The following CDKL4 variants were observed in gnomAD, a reference collection of about 807,000 sequenced individuals.
CDKL4 encodes the protein cyclin-dependent kinase-like 4.
In CDKL4, 44 loss-of-function variants were observed where a neutral mutation model predicts 42.0. The observed-to-expected ratio is 1.05, with a 90% CI of 0.82 to 1.35. The LOEUF (loss-of-function observed/expected upper bound fraction) is 1.35, where lower values mean the gene tolerates loss of function less well. Among genes scored for constraint, CDKL4 ranks in the 40% most tolerant of loss-of-function variants. CDKL4 has a pLI of 0.00. For missense variants in CDKL4, 393 were observed against 369.9 expected (o/e 1.06, Z -0.51); for synonymous variants, 120 against 121.6 (o/e 0.99, Z 0.09).
At chr2:39,235,398 G>A (rs1009613172) in intron 1 of CDKL4, among the ~76,000 whole-genome samples, 12 of 152,136 alleles carry the variant, frequency 7.9e-5, no homozygotes, top group Non-Finnish European at 1.5e-5. Context: ...AGAAAGTAAT[G>A]CAACTAAATT....
chr2:39,222,591 A>C (rs1678445226), intron 3 of CDKL4, among the ~76,000 whole-genome samples: 1 of 151,850 alleles, frequency 6.6e-6, no homozygotes, highest in African/African-American at 2.4e-5. Flanking sequence ...CTCTGTCTCT[A>C]AATAAATAAA....
At chr2:39,246,847 G>C (rs1423033269), upstream of CDKL4, among the ~76,000 whole-genome samples, 3 of 152,094 alleles carry the variant, frequency 2.0e-5, no homozygotes, top group Non-Finnish European at 4.4e-5. Context: ...GGGCTCAAGT[G>C]ATTCTCTTGC....
intron 1 of CDKL4, among the ~76,000 whole-genome samples, chr2:39,241,517 A>T (rs1679661868): frequency 6.6e-6 from 1 of 152,220 alleles, no homozygotes; most frequent in South Asian, 2.1e-4. Flanking sequence ...CTCAAATGCC[A>T]CAGAATAAAG....
At chr2:39,224,873 G>A (rs895453937) in intron 3 of CDKL4, among the ~76,000 whole-genome samples, 6 of 152,094 alleles carry the variant, frequency 3.9e-5, no homozygotes, top group Non-Finnish European at 7.4e-5. Context: ...TATAGGGGTC[G>A]CTGTACTGAA....
the CDKL4 span, among the ~76,000 whole-genome samples, chr2:39,168,282 C>T: frequency 2.6e-5 from 4 of 152,108 alleles, no homozygotes; most frequent in African/African-American, 4.8e-5. Flanking sequence ...AATAAATGGA[C>T]ACACAGAATC....
chr2:39,203,456 A>G (rs1676977608), intron 5 of CDKL4, among the ~76,000 whole-genome samples: 1 of 152,178 alleles, frequency 6.6e-6, no homozygotes, highest in Non-Finnish European at 1.5e-5. Flanking sequence ...TTTCCAGGAA[A>G]AAAACCCCAA....
chr2:39,197,294 T>TA (rs1270602438), intron 5 of CDKL4, among the ~76,000 whole-genome samples: 3 of 152,008 alleles, frequency 2.0e-5, no homozygotes, highest in Non-Finnish European at 2.9e-5. Context: ...AAAAAAGAAT[T>TA]AAAAAAATGA....
At position 39,177,282 on chromosome 2, in the gene CDKL4, C is replaced by T. The variant is rs1212795695; in HGVS notation, c.928-1186G>A. 3.3e-5 allele frequency among the ~76,000 whole-genome samples: 5 copies of T among 152,012 alleles called. No individual in the cohort carries two copies. The South Asian group carries it at 8.3e-4, about 25-fold the overall frequency. Reference sequence around the variant, plus strand: ...AGAGCAGCACCCAACCCCGTCGAGGCGAGGCAAGGCAAGGTCTGTGACAGA... The same window carrying T: ...AGAGCAGCACCCAACCCCGTCGAGGTGAGGCAAGGCAAGGTCTGTGACAGA... On this transcript the variant is annotated intron_variant, in intron 9 of 9. Coordinates refer to ENST00000451199, the Ensembl canonical transcript of CDKL4.
intron 5 of CDKL4, among the ~76,000 whole-genome samples, chr2:39,199,773 G>A (rs970365660): frequency 1.3e-5 from 2 of 152,068 alleles, no homozygotes; most frequent in Non-Finnish European, 2.9e-5. Context: ...AAAAGCACTT[G>A]ACAAAATTCA....
At chr2:39,219,957 G>A (rs1228572302) in intron 3 of CDKL4, among the ~76,000 whole-genome samples, 2 of 152,042 alleles carry the variant, frequency 1.3e-5, no homozygotes, top group South Asian at 2.1e-4. Context: ...TTTTGATATC[G>A]ACCCTAAAAG....
chr2:39,180,831 C>T (rs1675399436), intron 8 of CDKL4, among the ~76,000 whole-genome samples: 1 of 151,830 alleles, frequency 6.6e-6, no homozygotes, highest in Admixed American at 6.6e-5. Flanking sequence ...GCTGGAATTA[C>T]AGGCATGCAC....
At chr2:39,205,309 C>T (rs1012318406) in intron 4 of CDKL4, among the ~76,000 whole-genome samples, 1 of 152,204 alleles carries the variant, frequency 6.6e-6, no homozygotes, top group Non-Finnish European at 1.5e-5. Flanking sequence ...AAGAGTACCT[C>T]TAATAACTGC....
intron 5 of CDKL4, among the ~76,000 whole-genome samples, chr2:39,201,839 G>C (rs546695967): frequency 6.6e-6 from 1 of 152,270 alleles, no homozygotes; most frequent in Non-Finnish European, 1.5e-5. Flanking sequence ...CAGCCGAAAG[G>C]GTCGGGCGGC....
intron 5 of CDKL4, among the ~76,000 whole-genome samples, chr2:39,193,136 A>AT: frequency 6.7e-6 from 1 of 149,554 alleles, no homozygotes; most frequent in South Asian, 2.1e-4. Context: ...TCTAAAAAAA[A>AT]AAAAAAAAAA....
intron 9 of CDKL4, 135 bp from the exon 10 acceptor site, chr2:39,176,231 G>C: frequency 3.0e-6 from 1 of 331,176 alleles, no homozygotes; most frequent in South Asian, 2.6e-5. Context: ...TTAAAATTAA[G>C]TAGGGTTACC....
At chr2:39,187,334 A>G (rs1675882421) in intron 7 of CDKL4, among the ~76,000 whole-genome samples, 1 of 152,122 alleles carries the variant, frequency 6.6e-6, no homozygotes, top group African/African-American at 2.4e-5. Context: ...AAATAGAATA[A>G]TACACTGTGC....
At chr2:39,206,594 G>A (rs1677211324) in intron 4 of CDKL4, among the ~76,000 whole-genome samples, 1 of 152,174 alleles carries the variant, frequency 6.6e-6, no homozygotes, top group African/African-American at 2.4e-5. Context: ...GTACCCTTCA[G>A]GACTTTACAG....
At chr2:39,225,064 G>A (rs1678614024) in intron 3 of CDKL4, among the ~76,000 whole-genome samples, 1 of 152,116 alleles carries the variant, frequency 6.6e-6, no homozygotes, top group African/African-American at 2.4e-5. Flanking sequence ...TGACATCCTT[G>A]TCTTGTTTCC....
exon 6 of CDKL4, chr2:39,190,414 T>G: frequency 6.2e-7 from 1 of 1,613,902 alleles, no homozygotes; most frequent in Non-Finnish European, 8.5e-7. Flanking sequence ...ATATATCGAC[T>G]GAAGAACCAT....
Sources: allele counts gnomAD v4.1 joint callset (sites outside exome capture counted in the v4.1 genomes callset), GRCh38; gene constraint gnomAD v4.1.1; transcripts MANE v1.5; gene names NCBI Gene and HGNC (gene_info 2026-07-23, HGNC 2026-07-21).